The following PALM2AKAP2 variants were observed in gnomAD, a reference collection of about 807,000 sequenced individuals.
PALM2AKAP2 encodes PALM2 and AKAP2 fusion.
Under a neutral mutation model 71.5 loss-of-function variants are expected in PALM2AKAP2, and 37 were observed. The ratio of observed to expected loss-of-function variants is 0.52; its 90% CI spans 0.40 to 0.68. PALM2AKAP2 has a LOEUF of 0.68. PALM2AKAP2 is among the 30% of genes least tolerant of loss of function. The pLI, the probability that PALM2AKAP2 is intolerant of heterozygous loss-of-function variation, is 0.00. For missense variants in PALM2AKAP2, 1,224 were observed against 1,191.8 expected, an observed-to-expected ratio of 1.03 and a Z score of -0.40; for synonymous variants, 468 against 478.8, an observed-to-expected ratio of 0.98 and a Z score of 0.29.
chr9:109,810,508 AAGG>A (rs1827701469), intron 1 of PALM2AKAP2, among the ~76,000 whole-genome samples: 3 of 152,204 alleles, frequency 2.0e-5, no homozygotes, highest in African/African-American at 7.2e-5. Context: ...ATTTAGTAGC[AAGG>A]AGGTTACTGG....
chr9:109,796,720 C>T (rs1289546896), intron 1 of PALM2AKAP2, among the ~76,000 whole-genome samples: 1 of 152,146 alleles, frequency 6.6e-6, no homozygotes, highest in Non-Finnish European at 1.5e-5. Flanking sequence ...GAGTAACTGT[C>T]AAACACTTAT....
intron 1 of PALM2AKAP2, among the ~76,000 whole-genome samples, chr9:110,062,264 C>A (rs1833981538): frequency 6.6e-6 from 1 of 152,010 alleles, no homozygotes; most frequent in Non-Finnish European, 1.5e-5. Context: ...CTCCAAGAGG[C>A]CCCAGTGTGT....
chr9:109,718,593 G>A (rs1280442513), intron 1 of PALM2AKAP2, among the ~76,000 whole-genome samples: 3 of 151,878 alleles, frequency 2.0e-5, no homozygotes, highest in African/African-American at 7.3e-5. Context: ...TTATTTTGGA[G>A]TAATACTAGA....
intron 2 of PALM2AKAP2, among the ~76,000 whole-genome samples, chr9:109,876,819 T>C (rs1402113118): frequency 6.6e-6 from 1 of 152,158 alleles, no homozygotes; most frequent in East Asian, 1.9e-4. Flanking sequence ...TCTTCCTGGC[T>C]CCTCCTGTTG....
At chr9:109,876,671 T>C (rs1044655117) in intron 2 of PALM2AKAP2, among the ~76,000 whole-genome samples, 1 of 151,970 alleles carries the variant, frequency 6.6e-6, no homozygotes, top group Non-Finnish European at 1.5e-5. Flanking sequence ...GTAGAAATGG[T>C]GTTTCACCAT....
chr9:109,772,235 C>T (rs1355749773), intron 1 of PALM2AKAP2, among the ~76,000 whole-genome samples: 2 of 152,190 alleles, frequency 1.3e-5, no homozygotes, highest in African/African-American at 2.4e-5. Flanking sequence ...GCACAGAGTC[C>T]TCACAGAGCC....
chr9:109,855,074 C>T (rs950651232), intron 1 of PALM2AKAP2, among the ~76,000 whole-genome samples: 2 of 147,080 alleles, frequency 1.4e-5, no homozygotes, highest in Non-Finnish European at 3.0e-5. Flanking sequence ...GGTGCCCCCC[C>T]CTTTTTTTGG....
chr9:110,037,362 A>G (rs1381315672), intron 7 of PALM2AKAP2, among the ~76,000 whole-genome samples: 2 of 152,074 alleles, frequency 1.3e-5, no homozygotes, highest in Non-Finnish European at 2.9e-5. Context: ...ATGCGCCACC[A>G]CGCCCAGCTA....
At chr9:109,915,063 T>C (rs962704729) in intron 3 of PALM2AKAP2, among the ~76,000 whole-genome samples, 12 of 152,220 alleles carry the variant, frequency 7.9e-5, no homozygotes, top group African/African-American at 2.4e-4. Flanking sequence ...AAATAAGTTT[T>C]GTTTGCCCCA....
intron 2 of PALM2AKAP2, among the ~76,000 whole-genome samples, chr9:109,872,559 G>C (rs10759383): frequency 0.74 from 112,344 of 152,036 alleles, 41,636 homozygotes; most frequent in Admixed American, 0.78. Flanking sequence ...TCATGAGCGG[G>C]GAACCCTCAC....
intron 3 of PALM2AKAP2, among the ~76,000 whole-genome samples, chr9:109,883,613 A>T (rs1054780006): frequency 6.6e-6 from 1 of 152,242 alleles, no homozygotes. Context: ...TCCCATGGGA[A>T]GAAAGAGCTG....
At chr9:109,802,508 C>T (rs375400144) in intron 1 of PALM2AKAP2, among the ~76,000 whole-genome samples, 200 of 152,282 alleles carry the variant, frequency 1.3e-3, no homozygotes, top group African/African-American at 4.1e-3. Flanking sequence ...AAATAAACCC[C>T]CATACTTTCA....
intron 3 of PALM2AKAP2, among the ~76,000 whole-genome samples, chr9:109,914,104 G>A (rs1830634018): frequency 6.6e-6 from 1 of 152,158 alleles, no homozygotes; most frequent in African/African-American, 2.4e-5. Flanking sequence ...CTGCAGTTAT[G>A]TAAACATCCA....
chr9:110,086,552 C>T (rs924050910), intron 1 of PALM2AKAP2, among the ~76,000 whole-genome samples: 1 of 152,214 alleles, frequency 6.6e-6, no homozygotes, highest in Non-Finnish European at 1.5e-5. Flanking sequence ...CTGATTATTA[C>T]TGTTGTACCT....
At chr9:109,774,069 T>C (rs1829313983) in intron 1 of PALM2AKAP2, among the ~76,000 whole-genome samples, 1 of 152,200 alleles carries the variant, frequency 6.6e-6, no homozygotes. Flanking sequence ...AGGAAATTTC[T>C]CTCTTGTCAG....
chr9:109,865,245 T>A (rs187203528), intron 1 of PALM2AKAP2, among the ~76,000 whole-genome samples: 1 of 151,982 alleles, frequency 6.6e-6, no homozygotes, highest in Admixed American at 6.6e-5. Flanking sequence ...ATTACAGGCA[T>A]GTACCACCAC....
intron 6 of PALM2AKAP2, 63 bp from the exon 7 acceptor site, chr9:110,015,891 C>A: frequency 7.0e-7 from 1 of 1,433,614 alleles, no homozygotes; most frequent in Non-Finnish European, 9.7e-7. Flanking sequence ...TGAGCAATAA[C>A]AACTGTGTAT....
At chr9:109,887,995 C>T (rs1012279537) in intron 3 of PALM2AKAP2, among the ~76,000 whole-genome samples, 3 of 152,178 alleles carry the variant, frequency 2.0e-5, no homozygotes, top group African/African-American at 7.2e-5. Context: ...TGCCGGTCTT[C>T]AGCCTATTGT....
chr9:109,796,225 A>G (rs7040942), intron 1 of PALM2AKAP2, among the ~76,000 whole-genome samples: 14,953 of 152,248 alleles, frequency 0.098, 2,228 homozygotes, highest in African/African-American at 0.32. Flanking sequence ...TGAAATTTAT[A>G]TATAGTCAGC....
Sources: gnomAD v4.1 joint callset for allele counts (sites outside exome capture counted in the v4.1 genomes callset) on GRCh38, gnomAD v4.1.1 for gene constraint, MANE v1.5 for transcripts, NCBI Gene and HGNC (gene_info 2026-07-23, HGNC 2026-07-21) for gene names.